KCTD1: variants seen among roughly 807,000 people sequenced by gnomAD.
KCTD1 encodes the protein potassium channel tetramerization domain containing 1, also known as BTB/POZ domain-containing protein KCTD1.
KCTD1 carries 24 observed loss-of-function variants against 66.0 expected under a neutral mutation model. That is an observed-to-expected ratio of 0.36 (90% confidence interval 0.26 to 0.51). KCTD1 has a LOEUF of 0.51. Ranked by LOEUF, KCTD1 falls within the 20% of genes least tolerant of loss-of-function variation. The probability of loss-of-function intolerance (pLI) is 0.95; values close to 1 mark genes in which losing one functional copy is unlikely to be tolerated. For missense variants in KCTD1, 943 were observed against 1,205.2 expected (o/e 0.78, Z 3.22); for synonymous variants, 511 against 517.2 (o/e 0.99, Z 0.16).
At chr18:26,537,718 T>G (rs917738007) in intron 1 of KCTD1, among the ~76,000 whole-genome samples, 16 of 152,224 alleles carry the variant, frequency 1.1e-4, no homozygotes, top group African/African-American at 3.6e-4. Context: ...ATACTGAAAT[T>G]AAGAGATTTA....
intron 1 of KCTD1, chr18:26,655,720 AC>A (rs897038252): frequency 6.6e-6 from 1 of 152,150 alleles, no homozygotes; most frequent in African/African-American, 2.4e-5. Flanking sequence ...ACGTTTTGAT[AC>A]CAGAAAATCA....
At chr18:26,555,809 C>T (rs570113546) in intron 1 of KCTD1, among the ~76,000 whole-genome samples, 8 of 152,100 alleles carry the variant, frequency 5.3e-5, no homozygotes, top group African/African-American at 1.9e-4. Flanking sequence ...TAATGAGTAT[C>T]GATAATGATA....
chr18:26,522,818 C>T (rs1983976855), intron 1 of KCTD1, among the ~76,000 whole-genome samples: 1 of 152,096 alleles, frequency 6.6e-6, no homozygotes. Context: ...GACCATGAAA[C>T]AGGAATAAAT....
chr18:26,589,729 G>A (rs1201090365), intron 1 of KCTD1, among the ~76,000 whole-genome samples: 1 of 152,140 alleles, frequency 6.6e-6, no homozygotes, highest in Non-Finnish European at 1.5e-5. Flanking sequence ...TAGCCCCAGT[G>A]GGTCAACCTT....
At chr18:26,600,114 T>C in intron 1 of KCTD1, 1 of 1,610,168 alleles carries the variant, frequency 6.2e-7, no homozygotes, top group Non-Finnish European at 8.5e-7. Flanking sequence ...CTGCTTCTTG[T>C]GGGGAAGGGA....
At chr18:26,586,099 T>C (rs1213909246) in intron 1 of KCTD1, among the ~76,000 whole-genome samples, 1 of 152,206 alleles carries the variant, frequency 6.6e-6, no homozygotes, top group Non-Finnish European at 1.5e-5. Flanking sequence ...GTATTTCGCT[T>C]TATAGCAATT....
intron 2 of KCTD1, among the ~76,000 whole-genome samples, chr18:26,488,925 G>A (rs1982052083): frequency 6.6e-6 from 1 of 152,192 alleles, no homozygotes; most frequent in Non-Finnish European, 1.5e-5. Context: ...ACTGAAACAT[G>A]ATTTTTAAAA....
At chr18:26,466,078 C>A (rs577036987) in intron 3 of KCTD1, among the ~76,000 whole-genome samples, 2 of 41,452 alleles carry the variant, frequency 4.8e-5, no homozygotes, top group African/African-American at 1.0e-4. Flanking sequence ...CCCGCAGGTA[C>A]GGGTGAAGAA....
chr18:26,615,612 T>TA (rs1221069003), intron 1 of KCTD1, among the ~76,000 whole-genome samples: 1 of 152,180 alleles, frequency 6.6e-6, no homozygotes, highest in Non-Finnish European at 1.5e-5. Context: ...CCCCTTACAG[T>TA]ACTGGTCCCC....
At chr18:26,615,917 A>G (rs1256039278) in intron 1 of KCTD1, among the ~76,000 whole-genome samples, 1 of 152,052 alleles carries the variant, frequency 6.6e-6, no homozygotes, top group Non-Finnish European at 1.5e-5. Context: ...CAGCCTCCCA[A>G]GTAGCTGGGA....
intron 1 of KCTD1, among the ~76,000 whole-genome samples, chr18:26,610,483 CAGG>C (rs1987110312): frequency 6.6e-6 from 1 of 151,928 alleles, no homozygotes; most frequent in South Asian, 2.1e-4. Context: ...GAGGGTGATG[CAGG>C]AGGATTGTTT....
At chr18:26,593,704 G>A (rs998914589) in intron 1 of KCTD1, among the ~76,000 whole-genome samples, 1 of 143,278 alleles carries the variant, frequency 7.0e-6, no homozygotes, top group African/African-American at 2.7e-5. Context: ...AGATAAGCAG[G>A]AGGAGGAAGA....
At chr18:26,647,331 A>ACCGC (rs1555649517) in intron 1 of KCTD1, among the ~76,000 whole-genome samples, 1 of 116,460 alleles carries the variant, frequency 8.6e-6, no homozygotes, top group African/African-American at 2.9e-5. Context: ...AGATAGTGAA[A>ACCGC]CCCCCCCCCC....
At chr18:26,541,496 G>A (rs1984972526) in intron 1 of KCTD1, among the ~76,000 whole-genome samples, 1 of 152,166 alleles carries the variant, frequency 6.6e-6, no homozygotes, top group Non-Finnish European at 1.5e-5. Flanking sequence ...AAAAAACCCT[G>A]TCTGTCATGA....
chr18:26,548,513 C>T lies in KCTD1; in HGVS notation c.24G>A (p.Gly8=). 3 of 1,242,142 alleles carry T rather than the reference C, an allele frequency of 2.4e-6. No homozygotes were observed. The highest frequency in any genetic ancestry group is 3.0e-6 in the Non-Finnish European group (3 of 998,562). The allele number at this position is 1,242,142 out of a possible 1,614,324, so 76.9% of individuals were successfully genotyped here. A position where few individuals can be genotyped will look rare whatever the true frequency, so the allele number is the denominator to read the frequency against. The change falls in exon 1 of 5, where the codon GGG becomes GGA. Residue 8 remains glycine (G), a synonymous_variant. Transcript: ENST00000580059. MARMPGS[G]DCNTSAGGSA... ...TGCCGCCCGCGCTGGTGTTACAGTC[C>T]CCGCTGCCAGGCATTCTCGCCATAT...
chr18:26,583,326 G>A (rs1217499452), intron 1 of KCTD1, among the ~76,000 whole-genome samples: 5 of 145,362 alleles, frequency 3.4e-5, no homozygotes, highest in South Asian at 2.2e-4. Context: ...CCCAGGAGGC[G>A]AAGGTTGCAG....
Position 26,581,613 on chromosome 18 carries a change from C to T in KCTD1, c.-16+47534G>A, listed in dbSNP as rs894530433. On this transcript the variant is annotated intron_variant, in intron 1 of 4. Transcript: ENST00000317932. ...AACATTGTGTCCCCTGGTATACTCT[C>T]AATAAATATTTGTTGAGCTGGGCAC... 4 of 152,086 alleles carry T rather than the reference C, an allele frequency of 2.6e-5. No individual in the cohort carries two copies. In the South Asian group the frequency reaches 8.3e-4, roughly 31 times the overall value. The allele number at this position is 152,086 out of a possible 1,614,324, so 9.4% of individuals were successfully genotyped here. A position where few individuals can be genotyped will look rare whatever the true frequency, so the allele number is the denominator to read the frequency against.
rs374669205 is a variant in KCTD1, at chr18:26,541,765, AATCTCAACCCATACCCT to A, written c.1809+4946_1809+4962del. On this transcript the variant is annotated intron_variant, in intron 1 of 4. Coordinates refer to ENST00000580059, the MANE Select transcript of KCTD1 (RefSeq NM_001142730.3). Reference sequence around the variant, plus strand: ...ATAACACAACCTCATATTCAGGTTTAATCTCAACCCATACCCTTTGCTGTAGTGTATCTCGAACAGCT... The same window carrying A: ...ATAACACAACCTCATATTCAGGTTTATTGCTGTAGTGTATCTCGAACAGCT... 1.4e-3 allele frequency among the ~76,000 whole-genome samples: 207 copies of A among 152,288 alleles called. 3 individuals carry two copies. The highest frequency in any genetic ancestry group is 4.9e-3 in the African/African-American group (202 of 41,552).
chr18:26,569,924 C>T (rs888804528), intron 1 of KCTD1, among the ~76,000 whole-genome samples: 5 of 152,112 alleles, frequency 3.3e-5, no homozygotes, highest in Admixed American at 6.5e-5. Context: ...CAGTGGCTCA[C>T]GCCTGTAATC....
Sources: gnomAD v4.1 joint callset for allele counts (sites outside exome capture counted in the v4.1 genomes callset) on GRCh38, gnomAD v4.1.1 for gene constraint, MANE v1.5 for transcripts, NCBI Gene and HGNC (gene_info 2026-07-23, HGNC 2026-07-21) for gene names.